The following ANK1 variants were observed in gnomAD, a reference collection of about 807,000 sequenced individuals.
The protein encoded by ANK1 is ankyrin 1.
Under a neutral mutation model 210.4 loss-of-function variants are expected in ANK1, and 51 were observed. The observed-to-expected ratio is 0.24, with a 90% CI of 0.19 to 0.31. The LOEUF is 0.31. Ranked by LOEUF, ANK1 falls within the 10% of genes least tolerant of loss-of-function variation. The pLI is 1.00. For synonymous variants in ANK1, 967 were observed against 1,025.9 expected, an observed-to-expected ratio of 0.94 and a Z score of 1.10; for missense variants, 2,051 against 2,504.4, an observed-to-expected ratio of 0.82 and a Z score of 3.86.
At chr8:41,681,029 C>T (rs539539332) in intron 37 of ANK1, among the ~76,000 whole-genome samples, 3 of 152,278 alleles carry the variant, frequency 2.0e-5, no homozygotes, top group Admixed American at 6.5e-5. Flanking sequence ...GGGCAGCATA[C>T]AGTCAAGTGG....
At position 41,704,763 on chromosome 8, in the gene ANK1, G is replaced by C. The variant is rs1409936023; in HGVS notation, c.2098-291C>G. Among the ~76,000 whole-genome samples the C allele has an allele frequency of 6.6e-6, 1 of 152,124 alleles. No homozygotes were observed. ...ATCTGAGAGCTTTGGAGGTGAGTGA[G>C]GTCCCCCAGAATAAAGTGGAGGGTG... On this transcript the variant is annotated intron_variant, in intron 18 of 42. Coordinates refer to ENST00000289734, the MANE Select transcript of ANK1 (RefSeq NM_000037.4). The surrounding 1 kb of genome is among the most constrained non-coding windows in gnomAD (Gnocchi z 4.1).
intron 1 of ANK1, among the ~76,000 whole-genome samples, chr8:41,865,627 C>G (rs1342303316): frequency 6.6e-6 from 1 of 152,036 alleles, no homozygotes; most frequent in Non-Finnish European, 1.5e-5. Flanking sequence ...CTGATTCTCT[C>G]CCCTCCTTTC....
intron 1 of ANK1, among the ~76,000 whole-genome samples, chr8:41,789,617 C>A (rs1847196702): frequency 6.6e-6 from 1 of 152,208 alleles, no homozygotes; most frequent in South Asian, 2.1e-4. Flanking sequence ...GACATTGGGA[C>A]TGAAGACTAG....
In ANK1 at chr8:41,713,407, G is replaced by A. The variant is rs561166801; in HGVS notation, c.1800+749C>T. Among the ~76,000 whole-genome samples, 71 of 152,282 alleles carry A rather than the reference G, an allele frequency of 4.7e-4. 1 individual carries two copies. The highest frequency in any genetic ancestry group is 1.6e-3 in the African/African-American group (67 of 41,550). ...AAATGGTCCTTCCAGCTTTATCCTT[G>A]TACTACCCAACCCCGTGGGGTCTTC... On this transcript the variant is annotated intron_variant, in intron 16 of 42. Coordinates refer to ENST00000289734, the MANE Select transcript of ANK1 (RefSeq NM_000037.4).
intron 1 of ANK1, among the ~76,000 whole-genome samples, chr8:41,821,758 G>A (rs551356226): frequency 4.6e-5 from 7 of 152,208 alleles, no homozygotes; most frequent in African/African-American, 1.4e-4. Context: ...CTTGAAAAGT[G>A]AGACATTGGC....
chr8:41,718,766 T>C (rs76577745), intron 10 of ANK1, among the ~76,000 whole-genome samples: 2,484 of 152,196 alleles, frequency 0.016, 71 homozygotes, highest in African/African-American at 0.056. Flanking sequence ...CCCCAAAACA[T>C]GTGGCAATGT....
At chr8:41,837,104 T>C (rs146143348) in intron 1 of ANK1, among the ~76,000 whole-genome samples, 3 of 152,332 alleles carry the variant, frequency 2.0e-5, no homozygotes, top group Admixed American at 6.5e-5. Context: ...AATAAATGTG[T>C]CTTTCCCGTA....
chr8:41,847,935 G>A (rs941269700), intron 1 of ANK1, among the ~76,000 whole-genome samples: 13 of 152,268 alleles, frequency 8.5e-5, no homozygotes, highest in Non-Finnish European at 1.2e-4. Flanking sequence ...TTGGGAGGCC[G>A]AGGCGGGCAG....
chr8:41,865,347 G>A (rs1235249222), intron 1 of ANK1, among the ~76,000 whole-genome samples: 1 of 152,172 alleles, frequency 6.6e-6, no homozygotes, highest in African/African-American at 2.4e-5. Context: ...AGACTCAGCA[G>A]CTCTCAGATG....
At chr8:41,720,647 G>A (rs547335557) in intron 9 of ANK1, among the ~76,000 whole-genome samples, 3 of 152,216 alleles carry the variant, frequency 2.0e-5, no homozygotes, top group East Asian at 1.9e-4. Context: ...GTCTTTCAGC[G>A]CCCTGAAGTG....
At chr8:41,764,597 C>T (rs1330437838) in intron 1 of ANK1, among the ~76,000 whole-genome samples, 1 of 152,236 alleles carries the variant, frequency 6.6e-6, no homozygotes, top group Non-Finnish European at 1.5e-5. Context: ...ACCGTGTCCA[C>T]AAGCCCTGGC....
chr8:41,752,208 TC>T (rs1328053217), intron 2 of ANK1, among the ~76,000 whole-genome samples: 9 of 152,126 alleles, frequency 5.9e-5, no homozygotes, highest in Non-Finnish European at 1.2e-4. Context: ...GTGCCCATCC[TC>T]TTAGCTATTG....
chr8:41,702,176 CAG>C, intron 20 of ANK1, 32 bp from the exon 21 acceptor site: 1 of 1,584,174 alleles, frequency 6.3e-7, no homozygotes, highest in Non-Finnish European at 8.7e-7. Flanking sequence ...TGCAGTCAGA[CAG>C]GGGATGGAGT....
In ANK1 at chr8:41,672,600, G is replaced by C; in HGVS notation, c.4850C>G (p.Ser1617Cys). 8 of 1,614,218 alleles carry C rather than the reference G, an allele frequency of 5.0e-6. No individual in the cohort carries two copies. Among genetic ancestry groups the C allele is most frequent in the Non-Finnish European group, 6.8e-6 (8 of 1,180,036 alleles). ...SEEPRGPELGSLELVEDDTVD... is the reference protein window; with the variant it reads ...SEEPRGPELGCLELVEDDTVD... ...TGTGTCGTCCTCCACAAGTTCCAGAGAGCCCAACTCGGGGCCCCGCGGTTC... is the reference window on the plus strand; with the variant it reads ...TGTGTCGTCCTCCACAAGTTCCAGACAGCCCAACTCGGGGCCCCGCGGTTC... Residue 1617 changes from serine (S) to cysteine (C), a missense_variant, in exon 38 of 43, where the codon TCT becomes TGT. Physicochemically the swap from Ser to Cys is moderately radical, Grantham distance 112. This residue lies in a region of ANK1 where 496 missense variants were observed against 533.4 expected (regional missense o/e 0.93). Transcript: ENST00000289734.
chr8:41,688,398 C>A, intron 34 of ANK1, 113 bp downstream of exon 34: 1 of 1,456,696 alleles, frequency 6.9e-7, no homozygotes, highest in East Asian at 2.3e-5. Flanking sequence ...GCTTTTGGAA[C>A]TGGCTGAGCG....
intron 1 of ANK1, among the ~76,000 whole-genome samples, chr8:41,894,787 T>A (rs924447816): frequency 6.6e-5 from 10 of 150,384 alleles, no homozygotes; most frequent in Non-Finnish European, 1.5e-4. Context: ...GAGCCAGACT[T>A]CCCCTGCCTG....
intron 1 of ANK1, among the ~76,000 whole-genome samples, chr8:41,758,514 T>A (rs1839727552): frequency 6.6e-6 from 1 of 152,068 alleles, no homozygotes; most frequent in African/African-American, 2.4e-5. Flanking sequence ...TTAAACTTTT[T>A]TTTTTTTTAT....
At chr8:41,657,364 A>C (rs1265067580) in intron 42 of ANK1, among the ~76,000 whole-genome samples, 1 of 152,210 alleles carries the variant, frequency 6.6e-6, no homozygotes, top group African/African-American at 2.4e-5. Flanking sequence ...GAGGGCAGTA[A>C]TAGGGCCTAC....
intron 1 of ANK1, among the ~76,000 whole-genome samples, chr8:41,881,982 C>T (rs192485841): frequency 1.1e-4 from 16 of 152,172 alleles, no homozygotes; most frequent in African/African-American, 3.4e-4. Context: ...AGTTGATAGA[C>T]GAGAAAATGA....
Sources: allele counts gnomAD v4.1 joint callset (sites outside exome capture counted in the v4.1 genomes callset), GRCh38; gene constraint gnomAD v4.1.1; regional missense constraint gnomAD v4.1.1; non-coding constraint Gnocchi (gnomAD v3.1); transcripts MANE v1.5; gene names NCBI Gene and HGNC (gene_info 2026-07-23, HGNC 2026-07-21).